Variants in EIF2B3 observed in about 807,000 individuals in gnomAD.
EIF2B3 encodes translation initiation factor eIF2B subunit gamma.
Under a neutral mutation model 54.1 loss-of-function variants are expected in EIF2B3, and 20 were observed. The ratio of observed to expected loss-of-function variants is 0.37; its 90% CI spans 0.26 to 0.54. The LOEUF is 0.54. Among genes scored for constraint, EIF2B3 ranks in the 20% least tolerant of loss-of-function variants. The probability of loss-of-function intolerance (pLI) is 0.86; values close to 1 mark genes in which losing one functional copy is unlikely to be tolerated. For missense variants in EIF2B3, 448 were observed against 547.8 expected (o/e 0.82, Z 1.82); for synonymous variants, 153 against 188.1 (o/e 0.81, Z 1.52).
intron 8 of EIF2B3, among the ~76,000 whole-genome samples, chr1:44,876,386 G>C (rs1336017277): frequency 2.2e-4 from 32 of 145,468 alleles, no homozygotes; most frequent in Admixed American, 5.5e-4. Flanking sequence ...GAGCGCCTCT[G>C]CCTGGCCGCG....
intron 11 of EIF2B3, among the ~76,000 whole-genome samples, chr1:44,855,144 T>A (rs1218214183): frequency 1.3e-5 from 2 of 149,812 alleles, no homozygotes; most frequent in Non-Finnish European, 3.0e-5. Context: ...GGCCAGGGAG[T>A]TCCTGTGGCA....
At chr1:44,984,354 G>A (rs533668108) in intron 1 of EIF2B3, among the ~76,000 whole-genome samples, 26 of 151,774 alleles carry the variant, frequency 1.7e-4, no homozygotes, top group South Asian at 4.2e-4. Context: ...GTATGGTGGC[G>A]CATGCCTGTA....
intron 5 of EIF2B3, among the ~76,000 whole-genome samples, chr1:44,913,664 C>T (rs1643563091): frequency 6.6e-6 from 1 of 151,554 alleles, no homozygotes; most frequent in Non-Finnish European, 1.5e-5. Flanking sequence ...GTCACCATGC[C>T]CAGGTATTTC....
chr1:44,873,034 G>T (rs576383394), intron 10 of EIF2B3, among the ~76,000 whole-genome samples: 1 of 152,290 alleles, frequency 6.6e-6, no homozygotes, highest in Admixed American at 6.5e-5. Context: ...AGCGTTAGGT[G>T]ATATCATTGG....
At chr1:44,969,165 A>C (rs1644375465) in intron 3 of EIF2B3, among the ~76,000 whole-genome samples, 1 of 152,198 alleles carries the variant, frequency 6.6e-6, no homozygotes, top group South Asian at 2.1e-4. Flanking sequence ...CAGATGGAAG[A>C]ACACACCACT....
At chr1:44,973,457 G>A (rs1035242448) in intron 3 of EIF2B3, among the ~76,000 whole-genome samples, 7 of 152,174 alleles carry the variant, frequency 4.6e-5, no homozygotes, top group African/African-American at 1.7e-4. Flanking sequence ...AATAAATACT[G>A]GAGGCCAAGG....
At chr1:44,870,897 C>T (rs1011523879) in intron 10 of EIF2B3, among the ~76,000 whole-genome samples, 4 of 152,164 alleles carry the variant, frequency 2.6e-5, no homozygotes, top group African/African-American at 7.2e-5. Flanking sequence ...ATCTGCCCAC[C>T]TCAGCCTCCC....
chr1:44,880,398 G>A (rs767126277), intron 7 of EIF2B3, among the ~76,000 whole-genome samples: 7 of 152,150 alleles, frequency 4.6e-5, no homozygotes, highest in African/African-American at 9.7e-5. Flanking sequence ...GCATGTGACC[G>A]GTAATCAAGA....
At position 44,905,836 on chromosome 1, in the gene EIF2B3, C is replaced by T. The variant is rs559035360; in HGVS notation, c.567-8392G>A. Among the ~76,000 whole-genome samples, 10 of 152,210 alleles carry T rather than the reference C, an allele frequency of 6.6e-5. No individual in the cohort carries two copies. In the East Asian group the frequency reaches 1.9e-3, roughly 29 times the overall value. ...AGCAAAATTGATACATAAAACTAAC[C>T]ATCACACAGACTAATGAGAGCCACA... On this transcript the variant is annotated intron_variant, in intron 5 of 11. Transcript: ENST00000360403.
At chr1:44,882,490 T>G (rs561500096) in intron 6 of EIF2B3, among the ~76,000 whole-genome samples, 1 of 152,066 alleles carries the variant, frequency 6.6e-6, no homozygotes, top group African/African-American at 2.4e-5. Flanking sequence ...TTGCCCAGGC[T>G]GGAGTACAGT....
At position 44,968,047 on chromosome 1, in the gene EIF2B3, T is replaced by TAAATAAAAATAAAAATAA. The variant is rs144844434; in HGVS notation, c.294+10250_294+10267dup. 2.4e-4 allele frequency among the ~76,000 whole-genome samples: 35 copies of TAAATAAAAATAAAAATAA among 145,878 alleles called. 1 individual carries two copies. The highest frequency in any genetic ancestry group is 1.1e-3 in the Admixed American group (16 of 14,536). On this transcript the variant is annotated intron_variant, in intron 3 of 11. Coordinates refer to ENST00000360403, the MANE Select transcript of EIF2B3 (RefSeq NM_020365.5). ...AGTGAGACTCCATTTTGAAAATAAA[T>TAAATAAAAATAAAAATAA]AAATAAAAATAAAAATAAAAATATA...
intron 3 of EIF2B3, among the ~76,000 whole-genome samples, chr1:44,976,314 C>T (rs1335702339): frequency 6.6e-6 from 1 of 152,074 alleles, no homozygotes; most frequent in East Asian, 1.9e-4. Context: ...ACTTCATGAA[C>T]ATATATAAAT....
At chr1:44,973,470 G>A (rs1644422611) in intron 3 of EIF2B3, among the ~76,000 whole-genome samples, 1 of 151,948 alleles carries the variant, frequency 6.6e-6, no homozygotes, top group Admixed American at 6.5e-5. Flanking sequence ...GGCCAAGGTG[G>A]GCAGATCACT....
chr1:44,980,388 C>T (rs776717669), intron 2 of EIF2B3, among the ~76,000 whole-genome samples: 21 of 151,924 alleles, frequency 1.4e-4, no homozygotes, highest in East Asian at 3.9e-4. Context: ...CACTTGAACC[C>T]GGGAGAGGTT....
intron 5 of EIF2B3, among the ~76,000 whole-genome samples, chr1:44,899,833 A>G (rs1643239417): frequency 1.3e-5 from 2 of 152,246 alleles, no homozygotes; most frequent in Non-Finnish European, 2.9e-5. Flanking sequence ...ATTACTGGGT[A>G]TATATCCAAA....
intron 3 of EIF2B3, among the ~76,000 whole-genome samples, chr1:44,966,833 G>GT (rs1644346298): frequency 6.6e-6 from 1 of 152,004 alleles, no homozygotes; most frequent in African/African-American, 2.4e-5. Flanking sequence ...TAATATTTCT[G>GT]TTTTTTTGAG....
chr1:44,984,293 G>T (rs1345035332), intron 1 of EIF2B3, among the ~76,000 whole-genome samples: 1 of 152,128 alleles, frequency 6.6e-6, no homozygotes, highest in Non-Finnish European at 1.5e-5. Context: ...AGGAATTCTA[G>T]AACAGCCTGG....
At chr1:44,874,523 A>T in intron 10 of EIF2B3, 155 bp downstream of exon 10, 2 of 771,544 alleles carry the variant, frequency 2.6e-6, no homozygotes, top group Non-Finnish European at 4.0e-6. Flanking sequence ...AAAGTTTTTG[A>T]GACTTTTGAT....
chr1:44,919,866 G>T (rs76248186), intron 5 of EIF2B3, among the ~76,000 whole-genome samples: 1 of 147,740 alleles, frequency 6.8e-6, no homozygotes, highest in African/African-American at 2.5e-5. Context: ...ACACGCATGC[G>T]ACAACATGCC....
Sources: allele counts gnomAD v4.1 joint callset (sites outside exome capture counted in the v4.1 genomes callset), GRCh38; gene constraint gnomAD v4.1.1; transcripts MANE v1.5; gene names NCBI Gene and HGNC (gene_info 2026-07-23, HGNC 2026-07-21).